IRF6: variants seen among roughly 807,000 people sequenced by gnomAD.
IRF6 encodes the protein interferon regulatory factor 6.
IRF6 carries 6 observed loss-of-function variants against 51.4 expected under a neutral mutation model. The ratio of observed to expected loss-of-function variants is 0.12; its 90% CI spans 0.06 to 0.23. The LOEUF (loss-of-function observed/expected upper bound fraction) is 0.23, where lower values mean the gene tolerates loss of function less well. IRF6 is among the 10% of genes least tolerant of loss of function. The pLI, the probability that IRF6 is intolerant of heterozygous loss-of-function variation, is 1.00. For synonymous variants in IRF6, 178 were observed against 215.7 expected (o/e 0.83, Z 1.53); for missense variants, 348 against 585.2 (o/e 0.59, Z 4.18).
Position 209,787,091 on chromosome 1 carries a change from G to A in IRF6, c.*1329C>T, listed in dbSNP as rs2235372. On this transcript the variant is annotated 3_prime_UTR_variant, in exon 9 of 9. Coordinates refer to ENST00000367021, the MANE Select transcript of IRF6 (RefSeq NM_006147.4). ...AAATTAGCCAAGCATCATAGTGCACGACTGTTGTCCCAACTACTCAGGAGG... is the reference window on the plus strand; with the variant it reads ...AAATTAGCCAAGCATCATAGTGCACAACTGTTGTCCCAACTACTCAGGAGG... The A allele has an allele frequency of 0.23, 34,416 of 152,532 alleles. 4,446 individuals are homozygous for A. Among genetic ancestry groups the A allele is most frequent in the East Asian group, 0.47 (2,449 of 5,188 alleles). The allele number at this position is 152,532 out of a possible 1,614,324, so 9.4% of individuals were successfully genotyped here. A position where few individuals can be genotyped will look rare whatever the true frequency, so the allele number is the denominator to read the frequency against.
chr1:209,797,127 C>CT (rs1360789521), intron 3 of IRF6, among the ~76,000 whole-genome samples: 3 of 152,114 alleles, frequency 2.0e-5, no homozygotes, highest in African/African-American at 7.2e-5. Context: ...AATCCCAGCA[C>CT]TTTGGGAGGC....
intron 4 of IRF6, among the ~76,000 whole-genome samples, chr1:209,795,859 AT>A (rs1031851857): frequency 5.9e-5 from 9 of 151,612 alleles, no homozygotes; most frequent in African/African-American, 1.9e-4. Context: ...GATCATGTTA[AT>A]TTTTTTTTAC....
At chr1:209,800,845 T>C (rs1285845165) in intron 3 of IRF6, among the ~76,000 whole-genome samples, 1 of 152,186 alleles carries the variant, frequency 6.6e-6, no homozygotes, top group Non-Finnish European at 1.5e-5. Context: ...TAACACCTGA[T>C]AGTTCTGTCC....
intron 1 of IRF6, among the ~76,000 whole-genome samples, chr1:209,805,404 C>A (rs1210558692): frequency 1.3e-5 from 2 of 152,206 alleles, no homozygotes; most frequent in Non-Finnish European, 2.9e-5. Flanking sequence ...CTCCCCAGCA[C>A]CTAGCTCCGC....
intron 3 of IRF6, among the ~76,000 whole-genome samples, chr1:209,800,360 TG>T (rs2077933139): frequency 6.6e-6 from 1 of 152,266 alleles, no homozygotes; most frequent in Non-Finnish European, 1.5e-5. Flanking sequence ...GTCATATCAG[TG>T]CTATTTCTTA....
intron 5 of IRF6, 78 bp from the exon 6 acceptor site, chr1:209,792,505 G>T: frequency 6.7e-7 from 1 of 1,502,840 alleles, no homozygotes; most frequent in Non-Finnish European, 9.1e-7. Context: ...GAACTCACAA[G>T]GTCAGTAGAC....
In IRF6 at chr1:209,788,509, G is replaced by C. The variant is rs1286939391; in HGVS notation, c.1315C>G (p.Leu439Val). 1 of 1,614,070 alleles carries C rather than the reference G, an allele frequency of 6.2e-7. No individual in the cohort carries two copies. The highest frequency in any genetic ancestry group is 2.2e-5 in the East Asian group (1 of 44,892). Residue 439 changes from leucine to valine, a missense_variant, in exon 9 of 9, where the codon CTG (leucine) becomes GTG (valine). Physicochemically the swap from Leu to Val is conservative, Grantham distance 32. Coordinates refer to ENST00000367021, the MANE Select transcript of IRF6 (RefSeq NM_006147.4). ...TCCTGGGTTTGAAGGATGCGGTACA[G>C]CTGCTTCAGCTGAGCAACGATGTTA... ...KDNIVAQLKQ[L>V]YRILQTQESW...
intron 3 of IRF6, among the ~76,000 whole-genome samples, chr1:209,799,227 C>T (rs1426702513): frequency 6.6e-6 from 1 of 152,090 alleles, no homozygotes; most frequent in East Asian, 1.9e-4. Context: ...ATGCAGTTGA[C>T]GGTAGTAGAA....
In IRF6 at chr1:209,798,382, G is replaced by A. The variant is rs189579765; in HGVS notation, c.175-1830C>T. On this transcript the variant is annotated intron_variant, in intron 3 of 8. Transcript: ENST00000367021. ...TTTGTTTGATCCTCTGTGTGCCCAC[G>A]CTAACTCTGGCCCCACCCAGCTGAC... Among the ~76,000 whole-genome samples, 32 of 152,254 alleles carry A rather than the reference G, an allele frequency of 2.1e-4. No individual in the cohort carries two copies. In the East Asian group the frequency reaches 5.6e-3, roughly 27 times the overall value.
At chr1:209,792,459 G>T (rs1387481285) in intron 5 of IRF6, 32 bp from the exon 6 acceptor site, 3 of 1,609,596 alleles carry the variant, frequency 1.9e-6, no homozygotes, top group East Asian at 2.2e-5. Flanking sequence ...AGCAGACAGG[G>T]GTACCACACG....
At chr1:209,791,040 A>T (rs2077866151) in intron 6 of IRF6, 153 bp from the exon 7 acceptor site, 1 of 985,290 alleles carries the variant, frequency 1.0e-6, no homozygotes, top group Non-Finnish European at 1.2e-6. Context: ...AAAGGGAGAC[A>T]TCAACATATC....
In IRF6 at chr1:209,789,679, G is replaced by C; in HGVS notation, c.1167C>G (p.Leu389=). 3.7e-6 allele frequency: 6 copies of C among 1,610,822 alleles called. No individual in the cohort carries two copies. Among genetic ancestry groups the C allele is most frequent in the Non-Finnish European group, 5.1e-6 (6 of 1,176,990 alleles). ...CTTATCTTCTCACCTGAACCAAGAT[G>C]AGTTTCCTTTCCAATGGTTTCCCAT... ...WPDGKPLERK[L]ILVQVIPVVA... is the part of the protein sequence containing the mutation. Residue 389 remains leucine, a synonymous_variant, in exon 8 of 9, where the codon CTC becomes CTG. Transcript: ENST00000367021.
intron 3 of IRF6, among the ~76,000 whole-genome samples, chr1:209,797,092 C>A (rs2077907109): frequency 2.0e-5 from 3 of 152,044 alleles, no homozygotes; most frequent in African/African-American, 7.2e-5. Flanking sequence ...AGAATTGTAA[C>A]CTGGGTGCAG....
chr1:209,795,226 G>A (rs1278624982), intron 5 of IRF6, 64 bp downstream of exon 5: 4 of 1,580,034 alleles, frequency 2.5e-6, no homozygotes, highest in Middle Eastern at 1.7e-4. Flanking sequence ...TGTATTGACA[G>A]TCCCAAGGTC....
intron 8 of IRF6, among the ~76,000 whole-genome samples, chr1:209,789,020 G>A (rs913805492): frequency 5.3e-5 from 8 of 152,190 alleles, no homozygotes; most frequent in Admixed American, 5.2e-4. Flanking sequence ...AACTCAAAAG[G>A]TTTTTCTAAG....
chr1:209,804,837 C>T (rs138834331), intron 1 of IRF6, among the ~76,000 whole-genome samples: 45 of 152,292 alleles, frequency 3.0e-4, no homozygotes, highest in Admixed American at 5.2e-4. Context: ...GAGATTTGGC[C>T]GTCAGTGGTT....
intron 1 of IRF6, among the ~76,000 whole-genome samples, chr1:209,803,627 T>C (rs1334318806): frequency 6.6e-6 from 1 of 152,170 alleles, no homozygotes; most frequent in Non-Finnish European, 1.5e-5. Context: ...TCCAAGCCCA[T>C]GCCCTGCCTC....
At chr1:209,799,914 C>T (rs981271931) in intron 3 of IRF6, among the ~76,000 whole-genome samples, 3 of 152,150 alleles carry the variant, frequency 2.0e-5, no homozygotes, top group African/African-American at 7.2e-5. Context: ...CTCTGCCTGT[C>T]CTCTCTACAC....
chr1:209,793,994 C>A (rs190197934), intron 5 of IRF6, among the ~76,000 whole-genome samples: 1 of 152,164 alleles, frequency 6.6e-6, no homozygotes, highest in Non-Finnish European at 1.5e-5. Flanking sequence ...TAATTTGATT[C>A]CATGTCTTTG....
Sources: allele counts gnomAD v4.1 joint callset (sites outside exome capture counted in the v4.1 genomes callset), GRCh38; gene constraint gnomAD v4.1.1; transcripts MANE v1.5; gene names NCBI Gene and HGNC (gene_info 2026-07-23, HGNC 2026-07-21).